The following NRXN3 variants were observed in gnomAD, a reference collection of about 807,000 sequenced individuals.
NRXN3 encodes the protein neurexin 3.
Under a neutral mutation model 137.6 loss-of-function variants are expected in NRXN3, and 32 were observed. The observed-to-expected ratio is 0.23, with a 90% CI of 0.18 to 0.31. The LOEUF is 0.31. Among genes scored for constraint, NRXN3 ranks in the 10% least tolerant of loss-of-function variants. The pLI is 1.00. For synonymous variants in NRXN3, 798 were observed against 784.5 expected, an observed-to-expected ratio of 1.02 and a Z score of -0.29; for missense variants, 1,574 against 2,062.5, an observed-to-expected ratio of 0.76 and a Z score of 4.59.
intron 19 of NRXN3, among the ~76,000 whole-genome samples, chr14:79,719,934 A>G (rs2098838335): frequency 1.3e-5 from 2 of 152,110 alleles, no homozygotes; most frequent in African/African-American, 4.8e-5. Flanking sequence ...GTGACCTTTC[A>G]ATAAAAATTA....
At chr14:79,315,510 A>G (rs570181150) in intron 15 of NRXN3, among the ~76,000 whole-genome samples, 1 of 152,338 alleles carries the variant, frequency 6.6e-6, no homozygotes, top group East Asian at 1.9e-4. Context: ...CACCCCTTCC[A>G]AAGCTCACCA....
intron 1 of NRXN3, among the ~76,000 whole-genome samples, chr14:78,170,993 G>T: frequency 8.4e-6 from 1 of 118,526 alleles, no homozygotes; most frequent in African/African-American, 3.5e-5. Flanking sequence ...CTATTTGCTT[G>T]AATTGTTAGT....
intron 10 of NRXN3, among the ~76,000 whole-genome samples, chr14:78,834,398 C>T (rs927044276): frequency 6.6e-6 from 1 of 152,056 alleles, no homozygotes; most frequent in Admixed American, 6.6e-5. Flanking sequence ...GTCTATTTTA[C>T]TTGACTACTA....
chr14:79,008,773 C>T (rs2099562480), intron 15 of NRXN3, among the ~76,000 whole-genome samples: 1 of 151,788 alleles, frequency 6.6e-6, no homozygotes, highest in African/African-American at 2.4e-5. Flanking sequence ...ATTCTCCTGC[C>T]TCAGCCTCCC....
intron 4 of NRXN3, among the ~76,000 whole-genome samples, chr14:78,335,041 G>A (rs566016028): frequency 6.6e-5 from 10 of 152,222 alleles, no homozygotes; most frequent in South Asian, 2.1e-4. Flanking sequence ...GAGGGGAGGC[G>A]TCATCCCAGG....
At chr14:79,387,811 G>A (rs553786996) in intron 15 of NRXN3, among the ~76,000 whole-genome samples, 1 of 152,036 alleles carries the variant, frequency 6.6e-6, no homozygotes, top group Non-Finnish European at 1.5e-5. Context: ...GTAGCGACAT[G>A]GATGAAGCTG....
Position 79,229,809 on chromosome 14 carries a change from A to G in NRXN3, c.3263-237412A>G, listed in dbSNP as rs181966706. 1.3e-3 allele frequency among the ~76,000 whole-genome samples: 203 copies of G among 152,158 alleles called. 4 individuals are homozygous for G. Among genetic ancestry groups the G allele is most frequent in the South Asian group, 7.5e-3 (36 of 4,814 alleles). ...TGCCAGCAACAAGCCTGTGCTGTGT[A>G]GATCTAGTGCAGCCACAGAACCTTG... On this transcript the variant is annotated intron_variant, in intron 15 of 20. Transcript: ENST00000335750.
intron 2 of NRXN3, among the ~76,000 whole-genome samples, chr14:78,259,238 A>G (rs1255455632): frequency 6.6e-6 from 1 of 152,180 alleles, no homozygotes; most frequent in African/African-American, 2.4e-5. Context: ...TTTGCACATG[A>G]CAGAGTTTCT....
intron 4 of NRXN3, among the ~76,000 whole-genome samples, chr14:78,373,007 C>T (rs1397815116): frequency 6.6e-6 from 1 of 152,160 alleles, no homozygotes; most frequent in Non-Finnish European, 1.5e-5. Flanking sequence ...GTACCAAAGG[C>T]TGTCAAATAT....
chr14:79,093,079 A>G (rs956540438), intron 15 of NRXN3, among the ~76,000 whole-genome samples: 5 of 152,200 alleles, frequency 3.3e-5, no homozygotes, highest in South Asian at 4.1e-4. Flanking sequence ...GACAGTGAAC[A>G]TTAAAAATGT....
At chr14:79,722,612 C>A (rs2098848588) in intron 19 of NRXN3, among the ~76,000 whole-genome samples, 2 of 152,138 alleles carry the variant, frequency 1.3e-5, no homozygotes, top group South Asian at 2.1e-4. Flanking sequence ...TCTAAAATGC[C>A]AATCTCAGAT....
At chr14:79,560,911 T>C (rs979851458) in intron 16 of NRXN3, among the ~76,000 whole-genome samples, 4 of 152,116 alleles carry the variant, frequency 2.6e-5, no homozygotes, top group African/African-American at 9.7e-5. Flanking sequence ...TGGCCCTGTG[T>C]TGTCAAGCTG....
At chr14:79,193,898 A>G (rs2064774635) in intron 15 of NRXN3, among the ~76,000 whole-genome samples, 1 of 152,240 alleles carries the variant, frequency 6.6e-6, no homozygotes, top group Non-Finnish European at 1.5e-5. Context: ...ATGTCAATTT[A>G]TTCTAAGACT....
intron 15 of NRXN3, among the ~76,000 whole-genome samples, chr14:79,380,148 TC>T (rs66742164): frequency 0.02 from 2,328 of 119,108 alleles, 87 homozygotes; most frequent in African/African-American, 0.089. Flanking sequence ...ATATACTTCT[TC>T]TTTTTTTTTT....
chr14:78,902,322 T>C (rs1186806001), intron 10 of NRXN3, among the ~76,000 whole-genome samples: 3 of 152,148 alleles, frequency 2.0e-5, no homozygotes, highest in African/African-American at 7.2e-5. Flanking sequence ...TAATTTATGT[T>C]TTAACCTGGG....
intron 16 of NRXN3, among the ~76,000 whole-genome samples, chr14:79,485,894 G>T (rs890664642): frequency 9.9e-5 from 15 of 152,148 alleles, no homozygotes; most frequent in African/African-American, 3.4e-4. Context: ...GAGAATTCTG[G>T]CTTCCATTAG....
At chr14:78,233,196 A>AGGT (rs1341498426) in intron 1 of NRXN3, among the ~76,000 whole-genome samples, 1 of 152,152 alleles carries the variant, frequency 6.6e-6, no homozygotes, top group Non-Finnish European at 1.5e-5. Flanking sequence ...ACATCCTGGA[A>AGGT]GGTGTATTCA....
intron 4 of NRXN3, among the ~76,000 whole-genome samples, chr14:78,449,386 G>A (rs1345386717): frequency 1.3e-5 from 2 of 152,096 alleles, no homozygotes; most frequent in African/African-American, 4.8e-5. Flanking sequence ...CTAATTTTTT[G>A]TATTTTTAGT....
At chr14:78,941,898 A>G (rs1237438472) in intron 10 of NRXN3, among the ~76,000 whole-genome samples, 2 of 152,236 alleles carry the variant, frequency 1.3e-5, no homozygotes, top group African/African-American at 4.8e-5. Flanking sequence ...TTCAGTGCTC[A>G]TATTTAAAAA....
Sources: gnomAD v4.1 joint callset for allele counts (sites outside exome capture counted in the v4.1 genomes callset) on GRCh38, gnomAD v4.1.1 for gene constraint, MANE v1.5 for transcripts, NCBI Gene and HGNC (gene_info 2026-07-23, HGNC 2026-07-21) for gene names.